RHPN1: variants seen among roughly 807,000 people sequenced by gnomAD.
The protein encoded by RHPN1 is rhophilin Rho GTPase binding protein 1, also known as rhophilin-1.
In RHPN1, 77 loss-of-function variants were observed where a neutral mutation model predicts 74.7. The observed-to-expected ratio is 1.03, with a 90% CI of 0.86 to 1.25. The LOEUF (loss-of-function observed/expected upper bound fraction) is 1.25, where lower values mean the gene tolerates loss of function less well. Among genes scored for constraint, RHPN1 ranks in the 50% most tolerant of loss-of-function variants. The pLI is 0.00. For missense variants in RHPN1, 987 were observed against 932.2 expected (o/e 1.06, Z -0.77); for synonymous variants, 444 against 414.5 (o/e 1.07, Z -0.87).
In RHPN1 at chr8:143,382,932, C is replaced by T. The variant is rs1586838353; in HGVS notation, c.*281C>T. 3.0e-5 allele frequency: 15 copies of T among 495,710 alleles called. No homozygotes were observed. In the East Asian group the frequency reaches 4.6e-4, roughly 15 times the overall value. The allele number at this position is 495,710 out of a possible 1,614,324, so 30.7% of individuals were successfully genotyped here. A position where few individuals can be genotyped will look rare whatever the true frequency, so the allele number is the denominator to read the frequency against. On this transcript the variant is annotated 3_prime_UTR_variant, in exon 15 of 15. Transcript: ENST00000289013. ...CCTGAGGGCTCCTTACAGGGTGCTC[C>T]TCACAGCCATCCCATCTGTACCCCC...
chr8:143,380,523 C>T (rs1217759435), intron 10 of RHPN1, 66 bp from the exon 11 acceptor site: 13 of 1,386,336 alleles, frequency 9.4e-6, no homozygotes, highest in Non-Finnish European at 1.2e-5. Flanking sequence ...GTTGCCCACT[C>T]CTTCTGCCAC....
At chr8:143,380,479 C>T (rs10093558) in intron 10 of RHPN1, 110 bp from the exon 11 acceptor site, 12,522 of 1,083,340 alleles carry the variant, frequency 0.012, 98 homozygotes, top group Non-Finnish European at 0.014. Flanking sequence ...GCACCCCCAA[C>T]GAAAGTGGCT....
intron 5 of RHPN1, 145 bp from the exon 6 acceptor site, chr8:143,378,551 G>A: frequency 1.7e-6 from 2 of 1,209,946 alleles, no homozygotes; most frequent in South Asian, 1.5e-5. Flanking sequence ...GCATGCTGCT[G>A]GCCTTCGGGA....
chr8:143,370,706 GGTGA>G (rs1223497497), intron 1 of RHPN1, among the ~76,000 whole-genome samples: 2 of 152,270 alleles, frequency 1.3e-5, no homozygotes, highest in African/African-American at 4.8e-5. Context: ...TGATGAACAG[GGTGA>G]GTAAGTGGCC....
Position 143,377,442 on chromosome 8 carries a change from C to T in RHPN1, c.368C>T (p.Ser123Phe), listed in dbSNP as rs746698084. Residue 123 changes from serine (S) to phenylalanine (F), a missense_variant, in exon 4 of 15, where the codon TCT (serine) becomes TTT (phenylalanine). Ser to Phe is a radical substitution (Grantham distance 155, BLOSUM62 -2). Coordinates refer to ENST00000289013, the MANE Select transcript of RHPN1 (RefSeq NM_052924.3). ...AAGGAGACCAAGGAGCTGGACTGGTCTACACCGCTGAAGGTAGGTACTGGC... is the reference window on the plus strand; with the variant it reads ...AAGGAGACCAAGGAGCTGGACTGGTTTACACCGCTGAAGGTAGGTACTGGC... ...GLKETKELDW[S>F]TPLKELISVH... 1 of 1,612,860 alleles carries T rather than the reference C, an allele frequency of 6.2e-7. No individual in the cohort carries two copies. The highest frequency in any genetic ancestry group is 2.2e-5 in the East Asian group (1 of 44,876).
intron 8 of RHPN1, 80 bp downstream of exon 8, chr8:143,379,588 T>A: frequency 6.8e-7 from 1 of 1,465,116 alleles, no homozygotes; most frequent in East Asian, 2.5e-5. Flanking sequence ...ATGCGTGAGC[T>A]CTCCCACCTC....
intron 1 of RHPN1, among the ~76,000 whole-genome samples, chr8:143,374,469 G>A (rs974464910): frequency 2.6e-5 from 4 of 152,258 alleles, no homozygotes; most frequent in Non-Finnish European, 4.4e-5. Flanking sequence ...GACCAGGCTC[G>A]CCCCAGGGCT....
intron 12 of RHPN1, 81 bp downstream of exon 12, chr8:143,381,425 G>A: frequency 2.0e-6 from 3 of 1,468,418 alleles, no homozygotes; most frequent in East Asian, 4.8e-5. Flanking sequence ...GCCTCAGACA[G>A]GCCATTGATG....
chr8:143,378,439 GCGTAGACATCTC>G (rs1477256999), intron 5 of RHPN1, 93 bp downstream of exon 5: 76 of 1,109,822 alleles, frequency 6.8e-5, no homozygotes, highest in Non-Finnish European at 9.6e-5. Context: ...GAGGAGCTCA[GCGTAGACATCTC>G]GAGGACGTGG....
chr8:143,382,367 C>T, intron 14 of RHPN1, 69 bp from the exon 15 acceptor site: 1 of 1,415,718 alleles, frequency 7.1e-7, no homozygotes, highest in Non-Finnish European at 9.7e-7. Flanking sequence ...TCTCACCCCT[C>T]CCAGACTGGC....
chr8:143,378,066 C>T (rs1156911030), intron 4 of RHPN1, among the ~76,000 whole-genome samples: 1 of 152,248 alleles, frequency 6.6e-6, no homozygotes, highest in Admixed American at 6.5e-5. Flanking sequence ...ACCCACCAGG[C>T]CCCTCCATAC....
rs960697137 is a variant in RHPN1, at chr8:143,382,874, C to T, written c.*223C>T. The stretch of plus-strand genomic sequence containing the variant: ...CACAGAAGGATGCCAGTCCCTCTGT[C>T]GGTCTGAGGTCAGCTTCCTGGGGCT... On this transcript the variant is annotated 3_prime_UTR_variant, in exon 15 of 15. Coordinates refer to ENST00000289013, the MANE Select transcript of RHPN1 (RefSeq NM_052924.3). 4 of 578,494 alleles carry T rather than the reference C, an allele frequency of 6.9e-6. No homozygotes were observed. The highest frequency in any genetic ancestry group is 5.6e-5 in the African/African-American group (3 of 53,594). 35.8% of individuals were successfully genotyped at this position (578,494 alleles called of 1,614,324 possible). A position where few individuals can be genotyped will look rare whatever the true frequency, so the allele number is the denominator to read the frequency against.
At position 143,382,622 on chromosome 8, in the gene RHPN1, T is replaced by C. The variant is rs781191637; in HGVS notation, c.1984T>C (p.Ser662Pro). 3 of 1,610,484 alleles carry C rather than the reference T, an allele frequency of 1.9e-6. No individual in the cohort carries two copies. Among genetic ancestry groups the C allele is most frequent in the Non-Finnish European group, 2.5e-6 (3 of 1,179,660 alleles). Residue 662 changes from serine (S) to proline (P), a missense_variant, in exon 15 of 15, where the codon TCA becomes CCA. By Grantham distance (74) the Ser-to-Pro change is moderately conservative (BLOSUM62 -1). Transcript: ENST00000289013. The stretch of plus-strand genomic sequence containing the variant: ...TGCCCCAGTGAAGCCAGCTCCGCCC[T>C]CATCCTTGAAGCACCCAGGGTGGCC... ...PCAPVKPAPP[S>P]SLKHPGWP
upstream of RHPN1, chr8:143,368,872 G>C: frequency 3.1e-6 from 2 of 644,412 alleles, no homozygotes; most frequent in South Asian, 4.2e-5. Context: ...GGACCGGCGC[G>C]GGCACTCAGG....
At chr8:143,376,810 G>A (rs75020285) in intron 3 of RHPN1, among the ~76,000 whole-genome samples, 157 bp downstream of exon 3, 1,845 of 149,842 alleles carry the variant, frequency 0.012, 45 homozygotes, top group African/African-American at 0.043. Flanking sequence ...GTCTGTGCGC[G>A]TGTGTCTGTG....
intron 7 of RHPN1, 84 bp from the exon 8 acceptor site, chr8:143,379,231 C>G: frequency 1.4e-6 from 2 of 1,428,676 alleles, no homozygotes; most frequent in Non-Finnish European, 1.8e-6. Flanking sequence ...CAGGAGCATC[C>G]CTAGCTGGCC....
chr8:143,364,427 A>G (rs547844310), upstream of RHPN1, among the ~76,000 whole-genome samples: 1 of 151,516 alleles, frequency 6.6e-6, no homozygotes, highest in East Asian at 2.0e-4. This position sits in a 1 kb window ranked among gnomAD's most constrained non-coding sequence, Gnocchi z 4.5. Flanking sequence ...GGACATAAGC[A>G]CACACAGCCC....
intron 1 of RHPN1, among the ~76,000 whole-genome samples, chr8:143,370,459 T>G (rs1415965878): frequency 6.6e-6 from 1 of 152,196 alleles, no homozygotes; most frequent in Non-Finnish European, 1.5e-5. Flanking sequence ...TCCACCCCCA[T>G]CAGGCTGGCC....
rs762987829 is a variant in RHPN1 at position 143,376,508 on chromosome 8, G to GC, written c.177-15dup. 255 of 1,611,000 alleles carry GC rather than the reference G, an allele frequency of 1.6e-4. No homozygotes were observed. The highest frequency in any genetic ancestry group is 2.0e-4 in the Non-Finnish European group (240 of 1,178,966). ...CTGCCTTGGGGCTGGGCTTTCAACT[G>GC]CCGCGGCCTCCCTCAGAGCCACCAG... On this transcript the variant is annotated splice_polypyrimidine_tract_variant and intron_variant, in intron 2 of 14. Transcript: ENST00000289013.
Sources: allele counts gnomAD v4.1 joint callset (sites outside exome capture counted in the v4.1 genomes callset), GRCh38; gene constraint gnomAD v4.1.1; non-coding constraint Gnocchi (gnomAD v3.1); transcripts MANE v1.5; gene names NCBI Gene and HGNC (gene_info 2026-07-23, HGNC 2026-07-21).